Variants in CTDSPL observed in about 807,000 individuals in gnomAD.
CTDSPL encodes the protein CTD small phosphatase like.
In CTDSPL, 8 loss-of-function variants were observed where a neutral mutation model predicts 30.5. The ratio of observed to expected loss-of-function variants is 0.26; its 90% CI spans 0.15 to 0.47. The LOEUF is 0.47. Ranked by LOEUF, CTDSPL falls within the 20% of genes least tolerant of loss-of-function variation. The pLI is 0.99. For missense variants in CTDSPL, 248 were observed against 366.1 expected, an observed-to-expected ratio of 0.68 and a Z score of 2.63; for synonymous variants, 110 against 137.9, an observed-to-expected ratio of 0.80 and a Z score of 1.42.
chr3:37,967,808 A>C lies in CTDSPL; in HGVS notation c.370-18A>C. 1 of 1,549,078 alleles carries C rather than the reference A, an allele frequency of 6.5e-7. No individual in the cohort carries two copies. The highest frequency in any genetic ancestry group is 8.8e-7 in the Non-Finnish European group (1 of 1,139,002). On this transcript the variant is annotated intron_variant, in intron 4 of 7. Coordinates refer to ENST00000273179, the MANE Select transcript of CTDSPL (RefSeq NM_001008392.2). ...TTGTTCCTTCAGACATATTAATTAT[A>C]GTCTCTTTTTTCTCTAGCCTATTAG...
intron 1 of CTDSPL, among the ~76,000 whole-genome samples, chr3:37,894,431 A>G (rs1014525732): frequency 7.9e-5 from 12 of 152,040 alleles, no homozygotes; most frequent in African/African-American, 2.7e-4. Flanking sequence ...AAATGCTGTT[A>G]TAACGATCTC....
At chr3:37,950,446 T>G (rs1453366867) in intron 2 of CTDSPL, among the ~76,000 whole-genome samples, 1 of 152,218 alleles carries the variant, frequency 6.6e-6, no homozygotes, top group Non-Finnish European at 1.5e-5. Flanking sequence ...AAGTAACATT[T>G]GGAACTTAAA....
rs757921964 is a variant in CTDSPL at position 37,980,856 on chromosome 3, T to TGCAATAGGTAGCCCTG, written c.823_*7dup. On this transcript the variant is annotated stop_gained and frameshift_variant, in exon 8 of 8. Coordinates refer to ENST00000273179, the MANE Select transcript of CTDSPL (RefSeq NM_001008392.2). LOFTEE classifies it high-confidence loss of function. ...CGTGTACAGCATGCTGCACAGACTC[T>TGCAATAGGTAGCCCTG]GCAATAGGTAGCCCTGGCCTCTGCC... is the stretch of plus-strand genomic sequence containing the variant. The TGCAATAGGTAGCCCTG allele has an allele frequency of 6.2e-7, 1 of 1,614,008 alleles. No homozygotes were observed. The highest frequency in any genetic ancestry group is 1.1e-5 in the South Asian group (1 of 91,078).
chr3:37,889,713 G>A (rs550250731), intron 1 of CTDSPL, among the ~76,000 whole-genome samples: 1 of 152,198 alleles, frequency 6.6e-6, no homozygotes, highest in African/African-American at 2.4e-5. Context: ...CATTATAATC[G>A]ACATCCCAAA....
In CTDSPL at chr3:37,984,287, G is replaced by T. The variant is rs1699529315; in HGVS notation, c.*3420G>T. The T allele has an allele frequency of 4.4e-6, 2 of 456,748 alleles. No homozygotes were observed. Among genetic ancestry groups the T allele is most frequent in the South Asian group, 3.1e-5 (2 of 64,566 alleles). The allele number at this position is 456,748 out of a possible 1,614,324, so 28.3% of individuals were successfully genotyped here. ...ACTGACACACCCTCCCCCACCCCGG[G>T]TAGTGGAGATGCTGGTGTCTGGGTA... On this transcript the variant is annotated 3_prime_UTR_variant, in exon 8 of 8. Coordinates refer to ENST00000273179, the MANE Select transcript of CTDSPL (RefSeq NM_001008392.2).
intron 1 of CTDSPL, 33 bp from the exon 2 acceptor site, chr3:37,947,024 G>A (rs1400196621): frequency 6.2e-7 from 1 of 1,601,294 alleles, no homozygotes; most frequent in Admixed American, 1.7e-5. Flanking sequence ...ACATGCTGCA[G>A]TTGGCCATAG....
At chr3:37,896,992 A>T (rs1461172833) in intron 1 of CTDSPL, among the ~76,000 whole-genome samples, 1 of 152,186 alleles carries the variant, frequency 6.6e-6, no homozygotes, top group African/African-American at 2.4e-5. Flanking sequence ...AAGGAGTTAG[A>T]CTAGAGGCTC....
intron 1 of CTDSPL, among the ~76,000 whole-genome samples, chr3:37,866,830 A>G (rs1698015883): frequency 6.6e-6 from 1 of 152,226 alleles, no homozygotes; most frequent in Non-Finnish European, 1.5e-5. Context: ...AGACTTTTGG[A>G]AGCAATAATT....
chr3:37,922,682 G>A (rs1471426284), intron 1 of CTDSPL, among the ~76,000 whole-genome samples: 2 of 152,192 alleles, frequency 1.3e-5, no homozygotes, highest in African/African-American at 4.8e-5. Flanking sequence ...AGCCCTTATG[G>A]GCTAGCATGG....
chr3:37,957,126 G>A lies in CTDSPL; in HGVS notation c.250G>A (p.Val84Ile), dbSNP rs754561700. Residue 84 changes from valine (V) to isoleucine (I), a missense_variant, in exon 3 of 8, where the codon GTC becomes ATC. Physicochemically the swap from Val to Ile is conservative, Grantham distance 29. Coordinates refer to ENST00000273179, the MANE Select transcript of CTDSPL (RefSeq NM_001008392.2). ...GGLQKGDQRQ[V>I]IPIPSPPAKY... is the part of the protein sequence containing the mutation. ...TTTTCCTCAGGGTGACCAGAGGCAG[G>A]TCATTCCCATACCAAGTGTATGTAT... is the stretch of plus-strand genomic sequence containing the variant. The A allele has an allele frequency of 1.3e-5, 21 of 1,599,756 alleles. No homozygotes were observed. In the East Asian group the frequency reaches 2.2e-4, roughly 17 times the overall value.
At chr3:37,949,087 T>C (rs1467710325) in intron 2 of CTDSPL, among the ~76,000 whole-genome samples, 1 of 152,146 alleles carries the variant, frequency 6.6e-6, no homozygotes, top group Non-Finnish European at 1.5e-5. Context: ...CCCAAAGTGC[T>C]GGGATTACAG....
At chr3:37,864,910 G>A (rs1307379978) in intron 1 of CTDSPL, among the ~76,000 whole-genome samples, 1 of 152,090 alleles carries the variant, frequency 6.6e-6, no homozygotes, top group Non-Finnish European at 1.5e-5. Flanking sequence ...AATAGGAATA[G>A]TAATGACTAC....
chr3:37,937,522 C>G (rs1698930268), intron 1 of CTDSPL, among the ~76,000 whole-genome samples: 1 of 150,584 alleles, frequency 6.6e-6, no homozygotes, highest in South Asian at 2.1e-4. Flanking sequence ...GCGCGAGACC[C>G]TCGCCAGCTG....
At chr3:37,927,634 A>ATG (rs1431482375) in intron 1 of CTDSPL, among the ~76,000 whole-genome samples, 29 of 78,386 alleles carry the variant, frequency 3.7e-4, no homozygotes, top group East Asian at 1.6e-3. Flanking sequence ...AAAGAAAAAT[A>ATG]TATGTGTGTG....
chr3:37,945,009 A>T (rs1360034518), intron 1 of CTDSPL, among the ~76,000 whole-genome samples: 2 of 150,122 alleles, frequency 1.3e-5, no homozygotes, highest in Admixed American at 1.3e-4. Context: ...TTATGGGGAA[A>T]GTTCGTGTGA....
chr3:37,884,513 T>C (rs1698242837), intron 1 of CTDSPL, among the ~76,000 whole-genome samples: 1 of 152,190 alleles, frequency 6.6e-6, no homozygotes, highest in African/African-American at 2.4e-5. Context: ...CCTACAAAAA[T>C]AGCAAAACTT....
At chr3:37,927,769 T>C (rs779899096) in intron 1 of CTDSPL, among the ~76,000 whole-genome samples, 3 of 151,280 alleles carry the variant, frequency 2.0e-5, no homozygotes, top group Admixed American at 6.6e-5. Context: ...ATATTGTACA[T>C]TGTTGTACAG....
chr3:37,864,233 C>T (rs1185479906), intron 1 of CTDSPL, among the ~76,000 whole-genome samples: 1 of 152,180 alleles, frequency 6.6e-6, no homozygotes, highest in Non-Finnish European at 1.5e-5. Context: ...CCTCCTGCTG[C>T]CCCCCACCTG....
chr3:37,977,383 G>A (rs998359233), intron 7 of CTDSPL, among the ~76,000 whole-genome samples: 1 of 152,048 alleles, frequency 6.6e-6, no homozygotes, highest in Non-Finnish European at 1.5e-5. Context: ...ATCTTAACAC[G>A]TCTCCCTTTC....
Sources: gnomAD v4.1 joint callset for allele counts (sites outside exome capture counted in the v4.1 genomes callset) on GRCh38, gnomAD v4.1.1 for gene constraint, MANE v1.5 for transcripts, NCBI Gene and HGNC (gene_info 2026-07-23, HGNC 2026-07-21) for gene names.